PTMA: variants seen among roughly 807,000 people sequenced by gnomAD.
PTMA encodes prothymosin alpha, also known as gene sequence 28.
PTMA carries 4 observed loss-of-function variants against 16.9 expected under a neutral mutation model. That is an observed-to-expected ratio of 0.24 (90% CI 0.12 to 0.54). The LOEUF (loss-of-function observed/expected upper bound fraction) is 0.54. Ranked by LOEUF, PTMA falls within the 20% of genes least tolerant of loss-of-function variation. The pLI is 0.95. For synonymous variants in PTMA, 58 were observed against 47.9 expected, an observed-to-expected ratio of 1.21 and a Z score of -0.87; for missense variants, 120 against 137.7, an observed-to-expected ratio of 0.87 and a Z score of 0.64.
intron 3 of PTMA, 60 bp from the exon 4 acceptor site, chr2:231,712,383 T>C: frequency 1.3e-6 from 2 of 1,539,736 alleles, no homozygotes; most frequent in Non-Finnish European, 1.8e-6. Flanking sequence ...TTCCTCGGGA[T>C]TTCCCCAGGA....
chr2:231,711,758 CTG>C, intron 2 of PTMA, 130 bp from the exon 3 acceptor site: 2 of 1,492,376 alleles, frequency 1.3e-6, no homozygotes, highest in Non-Finnish European at 1.8e-6. Flanking sequence ...AGAAGGGTCT[CTG>C]GGGTGGGCTT....
At chr2:231,710,269 GC>G in intron 1 of PTMA, 1 of 1,317,320 alleles carries the variant, frequency 7.6e-7, no homozygotes, top group South Asian at 2.3e-5. Flanking sequence ...GCGTGCCACT[GC>G]AAGCTCTGCC....
intron 1 of PTMA, among the ~76,000 whole-genome samples, chr2:231,710,892 C>T (rs747684035): frequency 2.0e-5 from 3 of 152,220 alleles, no homozygotes; most frequent in Non-Finnish European, 4.4e-5. Context: ...GTGGGGCTCT[C>T]CCCGAGCGCA....
At chr2:231,710,288 C>A (rs756614217) in intron 1 of PTMA, 3 of 1,282,468 alleles carry the variant, frequency 2.3e-6, no homozygotes, top group Non-Finnish European at 3.0e-6. Flanking sequence ...GCCTGCCGGC[C>A]GGGAGTCTCC....
At chr2:231,710,846 G>T (rs1344367670) in intron 1 of PTMA, among the ~76,000 whole-genome samples, 1 of 152,242 alleles carries the variant, frequency 6.6e-6, no homozygotes, top group Non-Finnish European at 1.5e-5. Context: ...TGGCCGGGGC[G>T]GTGCGGCCTC....
At position 231,711,963 on chromosome 2, in the gene PTMA, A is replaced by G; in HGVS notation, c.191A>G (p.Glu64Gly). The change falls in exon 3 of 5, where the codon GAG (glutamate) becomes GGG (glycine). Residue 64 changes from glutamate to glycine, a missense_variant. Glu to Gly is a moderately conservative substitution (Grantham distance 98, BLOSUM62 -2). Coordinates refer to ENST00000409115, the MANE Select transcript of PTMA (RefSeq NM_002823.5). ...GAGGAAGAAGGTGGGGAGGAAGAGG[A>G]GGAGGAAGAAGAAGGTGATGGTGAG... Reference protein sequence around the residue: ...EEEEEGGEEEEEEEEGDGEEE... With the variant: ...EEEEEGGEEEGEEEEGDGEEE... 1 of 1,581,156 alleles carries G rather than the reference A, an allele frequency of 6.3e-7. No individual in the cohort carries two copies. Among genetic ancestry groups the G allele is most frequent in the Non-Finnish European group, 8.6e-7 (1 of 1,163,042 alleles).
At chr2:231,709,128 T>C (rs1185267345) in intron 1 of PTMA, among the ~76,000 whole-genome samples, 1 of 151,792 alleles carries the variant, frequency 6.6e-6, no homozygotes, top group East Asian at 1.9e-4. Flanking sequence ...CTCAAGCGCG[T>C]TGGGAATCGG....
rs1379602206 is a variant in PTMA at position 231,711,390 on chromosome 2, G to A, written c.88G>A (p.Gly30Arg). 2.5e-6 allele frequency: 4 copies of A among 1,614,180 alleles called. No individual in the cohort carries two copies. The highest frequency in any genetic ancestry group is 3.3e-5 in the Admixed American group (2 of 60,026). Residue 30 changes from glycine (G) to arginine (R), a missense_variant, in exon 2 of 5, where the codon GGA (glycine) becomes AGA (arginine). Coordinates refer to ENST00000409115, the MANE Select transcript of PTMA (RefSeq NM_002823.5). ...GGAAGTTGTGGAAGAGGCAGAAAAT[G>A]GAAGAGACGCCCCTGCTAACGGGAA... is the stretch of plus-strand genomic sequence containing the variant. ...KKEVVEEAENGRDAPANGNAN... is the reference protein window; with the variant it reads ...KKEVVEEAENRRDAPANGNAN...
At chr2:231,711,446 C>G in intron 2 of PTMA, 27 bp downstream of exon 2, 2 of 1,610,290 alleles carry the variant, frequency 1.2e-6, no homozygotes, top group Middle Eastern at 3.3e-4. Flanking sequence ...CTCCTGAGCC[C>G]TGGCAGCTAC....
At chr2:231,711,817 C>A in intron 2 of PTMA, 73 bp from the exon 3 acceptor site, 1 of 1,577,602 alleles carries the variant, frequency 6.3e-7, no homozygotes, top group Non-Finnish European at 8.6e-7. Context: ...GGTGGGAGGC[C>A]GGGCATCAGG....
intron 2 of PTMA, 52 bp from the exon 3 acceptor site, chr2:231,711,838 T>G: frequency 6.2e-7 from 1 of 1,600,956 alleles, no homozygotes. Flanking sequence ...AGCAACGCTC[T>G]GTCCAGCCTG....
At chr2:231,710,420 C>CCCCACTGCT in intron 1 of PTMA, 5 of 1,151,744 alleles carry the variant, frequency 4.3e-6, no homozygotes, top group Non-Finnish European at 5.4e-6. Flanking sequence ...ACCTCCCTGC[C>CCCCACTGCT]CCCACTGCTC....
At position 231,709,963 on chromosome 2, in the gene PTMA, C is replaced by G. The variant is rs370563841; in HGVS notation, c.45+1212C>G. 46 of 836,904 alleles carry G rather than the reference C, an allele frequency of 5.5e-5. No homozygotes were observed. The East Asian group carries it at 5.7e-4, about 10-fold the overall frequency. The allele number at this position is 836,904 out of a possible 1,614,324, so 51.8% of individuals were successfully genotyped here. ...GGGCCCGGATCTCCACAGGGGCTCT[C>G]AGTGACCCCTTCTGGACTCAGTCCG... is the stretch of plus-strand genomic sequence containing the variant. On this transcript the variant is annotated intron_variant, in intron 1 of 4. Coordinates refer to ENST00000409115, the MANE Select transcript of PTMA (RefSeq NM_002823.5).
chr2:231,710,500 C>G (rs1342005698), intron 1 of PTMA: 9 of 1,047,448 alleles, frequency 8.6e-6, no homozygotes, highest in Admixed American at 3.0e-5. Context: ...CGGGGCGGGC[C>G]GGACTGAGAG....
chr2:231,712,737 G>A, intron 4 of PTMA, 67 bp from the exon 5 acceptor site: 1 of 1,536,846 alleles, frequency 6.5e-7, no homozygotes, highest in South Asian at 1.2e-5. Flanking sequence ...GCCAGCAGGA[G>A]CTGAGGCAGT....
chr2:231,710,145 T>C lies in PTMA; in HGVS notation c.46-1203T>C, dbSNP rs2048497868. ...TCGGACCTACGCAGCCCGGTGGACT[T>C]TGGGGCGACCTCCCGTGGGACTTGG... On this transcript the variant is annotated intron_variant, in intron 1 of 4. Coordinates refer to ENST00000409115, the MANE Select transcript of PTMA (RefSeq NM_002823.5). 3 of 1,256,994 alleles carry C rather than the reference T, an allele frequency of 2.4e-6. No homozygotes were observed. In the African/African-American group the frequency reaches 4.6e-5, roughly 19 times the overall value. The allele number at this position is 1,256,994 out of a possible 1,614,324, so 77.9% of individuals were successfully genotyped here.
chr2:231,709,427 G>A (rs1342355889), intron 1 of PTMA, among the ~76,000 whole-genome samples: 2 of 152,176 alleles, frequency 1.3e-5, no homozygotes, highest in Non-Finnish European at 2.9e-5. Context: ...CGGCCGCCCA[G>A]CTTCAGTCAT....
At chr2:231,709,835 C>T (rs1233168982) in intron 1 of PTMA, 6 of 217,710 alleles carry the variant, frequency 2.8e-5, no homozygotes, top group South Asian at 1.8e-4. Flanking sequence ...CGTCGTGCCC[C>T]TGCAGGGATT....
intron 4 of PTMA, 128 bp downstream of exon 4, chr2:231,712,644 T>G: frequency 7.6e-7 from 1 of 1,323,148 alleles, no homozygotes; most frequent in Non-Finnish European, 1.1e-6. Context: ...GTCCTGAATC[T>G]TAAGAACAGG....
Sources: gnomAD v4.1 joint callset for allele counts (sites outside exome capture counted in the v4.1 genomes callset) on GRCh38, gnomAD v4.1.1 for gene constraint, MANE v1.5 for transcripts, NCBI Gene and HGNC (gene_info 2026-07-23, HGNC 2026-07-21) for gene names.